The following TCF7L2 variants were observed in gnomAD, a reference collection of about 807,000 sequenced individuals.
TCF7L2 encodes transcription factor 7-like 2.
Under a neutral mutation model 77.9 loss-of-function variants are expected in TCF7L2, and 23 were observed. The ratio of observed to expected loss-of-function variants is 0.30; its 90% CI spans 0.21 to 0.42. The LOEUF is 0.42. Ranked by LOEUF, TCF7L2 falls within the 10% of genes least tolerant of loss-of-function variation. The pLI, the probability that TCF7L2 is intolerant of heterozygous loss-of-function variation, is 1.00. For missense variants in TCF7L2, 654 were observed against 793.1 expected (o/e 0.82, Z 2.11); for synonymous variants, 413 against 340.2 (o/e 1.21, Z -2.36).
At chr10:113,163,787 T>C (rs1320203871) in intron 13 of TCF7L2, among the ~76,000 whole-genome samples, 1 of 152,064 alleles carries the variant, frequency 6.6e-6, no homozygotes, top group Non-Finnish European at 1.5e-5. Context: ...AATCTCAGCC[T>C]CTGGGAGGCA....
chr10:113,051,238 CACACAGACACAT>C (rs1452484906), intron 5 of TCF7L2, among the ~76,000 whole-genome samples: 14 of 143,160 alleles, frequency 9.8e-5, no homozygotes, highest in South Asian at 2.3e-4. Flanking sequence ...CACACACACA[CACACAGACACAT>C]ACATATGCAC....
intron 5 of TCF7L2, among the ~76,000 whole-genome samples, chr10:113,097,424 G>A (rs10787474): frequency 0.29 from 44,380 of 151,910 alleles, 6,538 homozygotes; most frequent in Middle Eastern, 0.43. Flanking sequence ...AAGCCAAGGC[G>A]GGTGAATCAC....
rs372518053 is a variant in TCF7L2, at chr10:112,982,227, T to G, written c.450+17603T>G. ...TCCCAGTATTTAATTTCCACCACTT[T>G]TTTTTTTAAAAAATAACATAAGGCT... On this transcript the variant is annotated intron_variant, in intron 4 of 13. Transcript: ENST00000627217. Among the ~76,000 whole-genome samples, 243 of 152,276 alleles carry G rather than the reference T, an allele frequency of 1.6e-3. 1 individual carries two copies. Among genetic ancestry groups the G allele is most frequent in the African/African-American group, 5.7e-3 (237 of 41,532 alleles).
intron 5 of TCF7L2, among the ~76,000 whole-genome samples, chr10:113,066,708 C>T (rs904925872): frequency 3.9e-5 from 6 of 152,302 alleles, no homozygotes; most frequent in Middle Eastern, 3.4e-3. Context: ...GTTGTGCCAA[C>T]GATCAGCTCT....
rs183524814 is a variant in TCF7L2 at position 113,151,289 on chromosome 10, T to C, written c.1001+166T>C. On this transcript the variant is annotated intron_variant, in intron 9 of 13. Coordinates refer to ENST00000627217, the MANE Select transcript of TCF7L2 (RefSeq NM_001146274.2). The surrounding 1 kb of genome is among the most constrained non-coding windows in gnomAD (Gnocchi z 5.2). ...CACTCCCTTACAAAGAGAGAGAGAGTGCACAGTGGCAGAATCTCACTGTAC... is the reference window on the plus strand; with the variant it reads ...CACTCCCTTACAAAGAGAGAGAGAGCGCACAGTGGCAGAATCTCACTGTAC... 2.8e-3 allele frequency among the ~76,000 whole-genome samples: 430 copies of C among 152,172 alleles called. 2 individuals are homozygous for C. Among genetic ancestry groups the C allele is most frequent in the African/African-American group, 9.9e-3 (412 of 41,504 alleles).
chr10:113,038,970 T>G (rs1035503834), intron 4 of TCF7L2, among the ~76,000 whole-genome samples: 1 of 152,212 alleles, frequency 6.6e-6, no homozygotes, highest in Non-Finnish European at 1.5e-5. Flanking sequence ...TCTCCTTATA[T>G]CTTATATCCC....
chr10:112,954,792 T>C (rs527586885), intron 3 of TCF7L2, among the ~76,000 whole-genome samples: 1 of 152,354 alleles, frequency 6.6e-6, no homozygotes, highest in South Asian at 2.1e-4. Context: ...AAGGACTTGA[T>C]TATTCGAGCC....
intron 5 of TCF7L2, among the ~76,000 whole-genome samples, chr10:113,050,640 G>GT (rs917435445): frequency 2.0e-5 from 3 of 152,030 alleles, no homozygotes; most frequent in Middle Eastern, 3.2e-3. Context: ...AAAAAAAATT[G>GT]TTTTTTTGGA....
intron 13 of TCF7L2, chr10:113,161,599 C>T: frequency 2.0e-6 from 3 of 1,536,086 alleles, no homozygotes; most frequent in Non-Finnish European, 2.6e-6. Context: ...TGGAATATTA[C>T]AATGGTAGGT....
At chr10:113,052,687 T>C (rs917819738) in intron 5 of TCF7L2, among the ~76,000 whole-genome samples, 1 of 152,208 alleles carries the variant, frequency 6.6e-6, no homozygotes, top group Non-Finnish European at 1.5e-5. Context: ...CCATGACCCA[T>C]GTATCTTGAG....
chr10:113,091,621 G>A lies in TCF7L2; in HGVS notation c.553-49563G>A, dbSNP rs183702804. ...ACTCCCAGCTACTCAGGAGGCTGAG[G>A]CAGGAGAATCGCTTGAACTCAGAAG... On this transcript the variant is annotated intron_variant, in intron 5 of 13. Transcript: ENST00000627217. 2.0e-5 allele frequency among the ~76,000 whole-genome samples: 3 copies of A among 152,336 alleles called. No homozygotes were observed. In the East Asian group the frequency reaches 5.8e-4, roughly 29 times the overall value.
At chr10:113,159,830 TCCCCC>T in intron 12 of TCF7L2, 85 bp from the exon 14 acceptor site, 18 of 95,080 alleles carry the variant, frequency 1.9e-4, no homozygotes, top group Non-Finnish European at 3.0e-4. Flanking sequence ...ATCTTTCTCT[TCCCCC>T]CCCCCCCCCC....
chr10:113,030,415 C>T (rs910076934), intron 4 of TCF7L2, among the ~76,000 whole-genome samples: 12 of 152,230 alleles, frequency 7.9e-5, no homozygotes, highest in African/African-American at 2.9e-4. Context: ...AGCTATTTTC[C>T]TGGTCTCCTG....
At chr10:113,071,391 T>A (rs2057990762) in intron 5 of TCF7L2, among the ~76,000 whole-genome samples, 1 of 152,090 alleles carries the variant, frequency 6.6e-6, no homozygotes, top group Non-Finnish European at 1.5e-5. Flanking sequence ...GAGGGTCCAC[T>A]GGAGCAAGAG....
chr10:113,037,454 T>C (rs140536846), intron 4 of TCF7L2, among the ~76,000 whole-genome samples: 38 of 152,204 alleles, frequency 2.5e-4, no homozygotes, highest in African/African-American at 9.2e-4. Context: ...AATAATGTTA[T>C]ATAGGCAATG....
chr10:113,127,829 G>A (rs1427164222), intron 5 of TCF7L2, among the ~76,000 whole-genome samples: 4 of 149,984 alleles, frequency 2.7e-5, no homozygotes, highest in Non-Finnish European at 4.4e-5. Flanking sequence ...AGGAAGAGGG[G>A]GTCTGTCTAG....
chr10:113,103,536 C>G (rs1227353421), intron 5 of TCF7L2, among the ~76,000 whole-genome samples: 1 of 152,134 alleles, frequency 6.6e-6, no homozygotes, highest in Non-Finnish European at 1.5e-5. Flanking sequence ...GGAAAGTCTG[C>G]TTTGGAGGGT....
chr10:113,007,666 G>A (rs1341245685), intron 4 of TCF7L2, among the ~76,000 whole-genome samples: 2 of 152,150 alleles, frequency 1.3e-5, no homozygotes, highest in African/African-American at 2.4e-5. Flanking sequence ...TTTTACATTC[G>A]GAATGAATTC....
intron 5 of TCF7L2, among the ~76,000 whole-genome samples, chr10:113,115,966 C>T (rs1564914389): frequency 6.6e-6 from 1 of 152,074 alleles, no homozygotes; most frequent in Admixed American, 6.6e-5. Flanking sequence ...CGATATAGCT[C>T]CTTACCTGTC....
Sources: gnomAD v4.1 joint callset for allele counts (sites outside exome capture counted in the v4.1 genomes callset) on GRCh38, gnomAD v4.1.1 for gene constraint, Gnocchi (gnomAD v3.1) non-coding constraint, MANE v1.5 for transcripts, NCBI Gene and HGNC (gene_info 2026-07-23, HGNC 2026-07-21) for gene names.